Variants in ADAMTS19 observed in about 807,000 individuals in gnomAD.
ADAMTS19 encodes ADAM metallopeptidase with thrombospondin type 1 motif 19.
A neutral mutation model predicts 153.3 loss-of-function variants in ADAMTS19; 93 were observed. The observed-to-expected ratio is 0.61, with a 90% CI of 0.51 to 0.72. The LOEUF is 0.72. ADAMTS19 is among the 30% of genes least tolerant of loss of function. ADAMTS19 has a pLI of 0.00. For missense variants in ADAMTS19, 1,482 were observed against 1,552.1 expected (o/e 0.95, Z 0.76); for synonymous variants, 600 against 556.6 (o/e 1.08, Z -1.10).
chr5:129,642,798 A>G (rs979555703), intron 11 of ADAMTS19, among the ~76,000 whole-genome samples: 1 of 151,978 alleles, frequency 6.6e-6, no homozygotes, highest in Admixed American at 6.5e-5. Context: ...AATTAGGTGG[A>G]GTTTTATTTT....
chr5:129,660,412 T>A (rs539457350), intron 15 of ADAMTS19, among the ~76,000 whole-genome samples: 11 of 152,142 alleles, frequency 7.2e-5, no homozygotes, highest in African/African-American at 2.6e-4. Context: ...TTCAAAAAAA[T>A]TTGGAAGACT....
At chr5:129,681,821 C>G (rs1754828818) in intron 17 of ADAMTS19, among the ~76,000 whole-genome samples, 1 of 152,180 alleles carries the variant, frequency 6.6e-6, no homozygotes, top group South Asian at 2.1e-4. Flanking sequence ...AAACCCTACT[C>G]TCTGCCTTAT....
chr5:129,722,970 C>T (rs111715886), intron 21 of ADAMTS19, among the ~76,000 whole-genome samples: 2,949 of 152,156 alleles, frequency 0.019, 83 homozygotes, highest in African/African-American at 0.065. Context: ...AGATTTTTTG[C>T]GTGTGTTTTT....
intron 2 of ADAMTS19, among the ~76,000 whole-genome samples, chr5:129,507,291 T>A (rs987738407): frequency 1.3e-5 from 2 of 152,046 alleles, no homozygotes; most frequent in African/African-American, 4.8e-5. Context: ...ATAACATATT[T>A]CTTTATTTTT....
At chr5:129,640,360 G>A (rs1385229118) in intron 10 of ADAMTS19, among the ~76,000 whole-genome samples, 1 of 152,012 alleles carries the variant, frequency 6.6e-6, no homozygotes, top group East Asian at 1.9e-4. Flanking sequence ...GTAAGTATTA[G>A]GGTAATTAAA....
chr5:129,636,117 G>A (rs11744086), intron 10 of ADAMTS19, among the ~76,000 whole-genome samples: 37,781 of 152,006 alleles, frequency 0.25, 5,542 homozygotes, highest in African/African-American at 0.4. Context: ...GGCTGGTCTC[G>A]AACTCCTGAC....
intron 8 of ADAMTS19, among the ~76,000 whole-genome samples, chr5:129,613,170 T>G (rs537385341): frequency 9.2e-5 from 14 of 152,128 alleles, no homozygotes; most frequent in African/African-American, 3.4e-4. Flanking sequence ...TTGACCTCAG[T>G]GCTGCACAAG....
chr5:129,589,389 G>A (rs1359732559), intron 7 of ADAMTS19, among the ~76,000 whole-genome samples: 1 of 151,382 alleles, frequency 6.6e-6, no homozygotes, highest in Non-Finnish European at 1.5e-5. Flanking sequence ...TTATACATTT[G>A]TGTAGTTATT....
intron 15 of ADAMTS19, among the ~76,000 whole-genome samples, chr5:129,661,105 G>A (rs1753797074): frequency 1.3e-5 from 2 of 152,180 alleles, no homozygotes; most frequent in Admixed American, 6.5e-5. Flanking sequence ...GATCCCTGAA[G>A]TGATACCTGC....
In ADAMTS19 at chr5:129,471,856, C is replaced by T. The variant is rs557012748; in HGVS notation, c.747+10099C>T. Among the ~76,000 whole-genome samples the T allele has an allele frequency of 2.8e-3, 430 of 152,256 alleles. 1 individual carries two copies. The highest frequency in any genetic ancestry group is 5.1e-3 in the Non-Finnish European group (345 of 68,020). ...TTGCTAAGGATCATGGCCTCCAGCCCCATCCAGGTTGCTGCAAAGGACATG... is the reference window on the plus strand; with the variant it reads ...TTGCTAAGGATCATGGCCTCCAGCCTCATCCAGGTTGCTGCAAAGGACATG... On this transcript the variant is annotated intron_variant, in intron 2 of 22. Transcript: ENST00000274487.
intron 2 of ADAMTS19, among the ~76,000 whole-genome samples, chr5:129,485,348 A>C (rs1393340668): frequency 6.6e-6 from 1 of 152,198 alleles, no homozygotes; most frequent in South Asian, 2.1e-4. Flanking sequence ...TGCAGCTAAA[A>C]CAATGGTTAT....
At chr5:129,471,062 T>C (rs543781061) in intron 2 of ADAMTS19, among the ~76,000 whole-genome samples, 189 of 56,010 alleles carry the variant, frequency 3.4e-3, no homozygotes, top group African/African-American at 0.014. Flanking sequence ...GATATCAGGA[T>C]CAAAATCAGG....
At chr5:129,617,989 A>T (rs942427941) in intron 8 of ADAMTS19, among the ~76,000 whole-genome samples, 18 of 152,074 alleles carry the variant, frequency 1.2e-4, no homozygotes, top group African/African-American at 4.3e-4. Context: ...GGCACTGGTC[A>T]GGCACTACAT....
intron 8 of ADAMTS19, among the ~76,000 whole-genome samples, chr5:129,613,706 A>G (rs1183800937): frequency 6.6e-6 from 1 of 152,292 alleles, no homozygotes. Context: ...TGAAGGAAAT[A>G]GGGATACAAA....
At chr5:129,686,607 A>T (rs1191090560) in intron 18 of ADAMTS19, among the ~76,000 whole-genome samples, 1 of 152,128 alleles carries the variant, frequency 6.6e-6, no homozygotes, top group Admixed American at 6.5e-5. Context: ...TGAAGGCTAC[A>T]GGGAGAGTAA....
At chr5:129,732,056 G>T (rs947859058) in intron 21 of ADAMTS19, among the ~76,000 whole-genome samples, 1 of 152,048 alleles carries the variant, frequency 6.6e-6, no homozygotes, top group Non-Finnish European at 1.5e-5. Flanking sequence ...CAAATTTAGT[G>T]ATATATGTAT....
Position 129,704,272 on chromosome 5 carries a change from C to T in ADAMTS19, c.3193C>T (p.Arg1065Trp), listed in dbSNP as rs537549651. 5.0e-6 allele frequency: 8 copies of T among 1,613,988 alleles called. No individual in the cohort carries two copies. In the Admixed American group the frequency reaches 5.0e-5, roughly 10 times the overall value. Residue 1065 changes from arginine (R) to tryptophan (W), a missense_variant, in exon 21 of 23, where the codon CGG becomes TGG. This residue lies in a region of ADAMTS19 where 616 missense variants were observed against 724.4 expected (regional missense o/e 0.85). Coordinates refer to ENST00000274487, the MANE Select transcript of ADAMTS19 (RefSeq NM_133638.6). ...SVKCGKGIRHRTVRCTNPRKK... is the reference protein window; with the variant it reads ...SVKCGKGIRHWTVRCTNPRKK... ...CAAGTGTGGCAAAGGCATACGTCATCGGACCGTTAGATGTACCAACCCAAG... is the reference window on the plus strand; with the variant it reads ...CAAGTGTGGCAAAGGCATACGTCATTGGACCGTTAGATGTACCAACCCAAG...
intron 2 of ADAMTS19, among the ~76,000 whole-genome samples, chr5:129,503,842 C>T (rs1295508868): frequency 6.6e-6 from 1 of 151,966 alleles, no homozygotes; most frequent in African/African-American, 2.4e-5. Flanking sequence ...AAAAAAGAAC[C>T]TTACATAGAA....
At chr5:129,585,790 A>C (rs549008448) in intron 7 of ADAMTS19, among the ~76,000 whole-genome samples, 2 of 152,312 alleles carry the variant, frequency 1.3e-5, no homozygotes, top group East Asian at 3.9e-4. Context: ...ATTTGTTATA[A>C]AACTTTAAAC....
Sources: allele counts gnomAD v4.1 joint callset (sites outside exome capture counted in the v4.1 genomes callset), GRCh38; gene constraint gnomAD v4.1.1; regional missense constraint gnomAD v4.1.1; transcripts MANE v1.5; gene names NCBI Gene and HGNC (gene_info 2026-07-23, HGNC 2026-07-21).